ZCCHC7: variants seen among roughly 807,000 people sequenced by gnomAD.
ZCCHC7 encodes zinc finger CCHC-type containing 7.
A neutral mutation model predicts 52.0 loss-of-function variants in ZCCHC7; 35 were observed. The ratio of observed to expected loss-of-function variants is 0.67; its 90% confidence interval spans 0.51 to 0.89. ZCCHC7 has a LOEUF of 0.89. Ranked by LOEUF, ZCCHC7 falls within the 40% of genes least tolerant of loss-of-function variation. ZCCHC7 has a pLI of 0.00. For missense variants in ZCCHC7, 574 were observed against 649.1 expected (o/e 0.88, Z 1.26); for synonymous variants, 217 against 221.5 (o/e 0.98, Z 0.18).
At chr9:37,324,353 A>G (rs1397811277) in intron 5 of ZCCHC7, among the ~76,000 whole-genome samples, 1 of 152,246 alleles carries the variant, frequency 6.6e-6, no homozygotes, top group African/African-American at 2.4e-5. Context: ...ATTTGCCGCT[A>G]GCAGTGGCGG....
At chr9:37,243,963 G>C (rs911363327) in intron 2 of ZCCHC7, among the ~76,000 whole-genome samples, 3 of 151,728 alleles carry the variant, frequency 2.0e-5, no homozygotes, top group African/African-American at 7.3e-5. Flanking sequence ...TGTCTTCTGT[G>C]TCTCCAAACT....
chr9:37,352,470 G>A (rs1821432848), intron 7 of ZCCHC7, among the ~76,000 whole-genome samples: 1 of 145,132 alleles, frequency 6.9e-6, no homozygotes, highest in African/African-American at 2.6e-5. Flanking sequence ...TTAGTTGAGT[G>A]TATCAAGACC....
intron 1 of ZCCHC7, among the ~76,000 whole-genome samples, chr9:37,121,176 T>C (rs1012345317): frequency 1.3e-5 from 2 of 152,204 alleles, no homozygotes; most frequent in Non-Finnish European, 2.9e-5. Context: ...GAGCGGACAG[T>C]TGCCTTCAAC....
chr9:37,166,691 A>G (rs186157761), intron 2 of ZCCHC7, among the ~76,000 whole-genome samples: 21 of 152,186 alleles, frequency 1.4e-4, no homozygotes, highest in African/African-American at 3.6e-4. Context: ...AGTGCTATCA[A>G]TTTCCCACTA....
At chr9:37,128,935 T>G (rs1842652887) in intron 2 of ZCCHC7, among the ~76,000 whole-genome samples, 1 of 152,192 alleles carries the variant, frequency 6.6e-6, no homozygotes, top group South Asian at 2.1e-4. Context: ...TAAATTACCT[T>G]TTCCTGAGAT....
intron 3 of ZCCHC7, 65 bp from the exon 4 acceptor site, chr9:37,304,123 G>A: frequency 6.7e-7 from 1 of 1,501,148 alleles, no homozygotes; most frequent in Non-Finnish European, 9.1e-7. Flanking sequence ...TTTAACAAGA[G>A]TAGTAGATGG....
At chr9:37,127,511 A>G (rs556332996) in intron 2 of ZCCHC7, among the ~76,000 whole-genome samples, 1 of 152,322 alleles carries the variant, frequency 6.6e-6, no homozygotes, top group South Asian at 2.1e-4. Flanking sequence ...AAATTTTGAT[A>G]GCTACATCAT....
chr9:37,291,684 G>T (rs1381762759), intron 2 of ZCCHC7, among the ~76,000 whole-genome samples: 1 of 151,736 alleles, frequency 6.6e-6, no homozygotes, highest in African/African-American at 2.4e-5. Context: ...TTTTGTTTTT[G>T]TTTTTTTGAG....
chr9:37,232,224 G>A (rs10973260), intron 2 of ZCCHC7, among the ~76,000 whole-genome samples: 20,646 of 152,148 alleles, frequency 0.14, 1,722 homozygotes, highest in Non-Finnish European at 0.17. Context: ...GAACAGTATC[G>A]ATGCGGAAAC....
At chr9:37,274,501 G>A (rs193111815) in intron 2 of ZCCHC7, among the ~76,000 whole-genome samples, 6 of 151,354 alleles carry the variant, frequency 4.0e-5, no homozygotes, top group South Asian at 4.2e-4. Flanking sequence ...CACCATGCCC[G>A]GCTAATTTTT....
chr9:37,289,154 T>G (rs1440192292), intron 2 of ZCCHC7, among the ~76,000 whole-genome samples: 2 of 151,724 alleles, frequency 1.3e-5, no homozygotes, highest in Non-Finnish European at 2.9e-5. Flanking sequence ...CTTTTACTTT[T>G]TTTTTTTTTT....
At chr9:37,173,525 C>T (rs1821853985) in intron 2 of ZCCHC7, among the ~76,000 whole-genome samples, 1 of 152,172 alleles carries the variant, frequency 6.6e-6, no homozygotes, top group Admixed American at 6.5e-5. Flanking sequence ...AAATTTAATA[C>T]CTATAAAACT....
intron 2 of ZCCHC7, among the ~76,000 whole-genome samples, chr9:37,166,172 G>A (rs900375879): frequency 5.3e-5 from 8 of 152,024 alleles, no homozygotes; most frequent in Middle Eastern, 3.4e-3. Context: ...TGAGGTGGGC[G>A]GATCACGAGG....
intron 2 of ZCCHC7, among the ~76,000 whole-genome samples, chr9:37,282,932 T>C (rs1588608823): frequency 9.2e-6 from 1 of 108,906 alleles, no homozygotes; most frequent in Admixed American, 1.1e-4. Context: ...AAGAGTAGCC[T>C]CCAAATTAGT....
intron 7 of ZCCHC7, among the ~76,000 whole-genome samples, chr9:37,353,247 A>G (rs1215588761): frequency 1.3e-5 from 2 of 152,200 alleles, no homozygotes; most frequent in Non-Finnish European, 2.9e-5. Flanking sequence ...AAATCAACTG[A>G]ACCAATACCA....
At chr9:37,237,179 C>A (rs1335424159) in intron 2 of ZCCHC7, among the ~76,000 whole-genome samples, 2 of 152,164 alleles carry the variant, frequency 1.3e-5, no homozygotes, top group Non-Finnish European at 2.9e-5. Flanking sequence ...CCCAAGATAC[C>A]CTTTTGCCCT....
rs1263437633 is a variant in ZCCHC7, at chr9:37,207,641, C to CA, written c.610+80709dup. On this transcript the variant is annotated intron_variant, in intron 2 of 8. Transcript: ENST00000336755. ...ACAGTTTATGATGCTCTGTTTAAAA[C>CA]AAAAAAAAAATCGATTTTCTGTTTG... 3.9e-3 allele frequency among the ~76,000 whole-genome samples: 565 copies of CA among 146,306 alleles called. 3 individuals carry two copies. The highest frequency in any genetic ancestry group is 7.1e-3 in the Admixed American group (105 of 14,686).
chr9:37,223,566 C>T (rs1824936617), intron 2 of ZCCHC7, among the ~76,000 whole-genome samples: 1 of 152,056 alleles, frequency 6.6e-6, no homozygotes, highest in African/African-American at 2.4e-5. Context: ...AAAATAGTAA[C>T]AATGGTTGCA....
chr9:37,137,094 A>C (rs1246751361), intron 2 of ZCCHC7, among the ~76,000 whole-genome samples: 1 of 152,230 alleles, frequency 6.6e-6, no homozygotes, highest in African/African-American at 2.4e-5. Context: ...CCACTGTACC[A>C]TTAAGGTATT....
Sources: allele counts gnomAD v4.1 joint callset (sites outside exome capture counted in the v4.1 genomes callset), GRCh38; gene constraint gnomAD v4.1.1; transcripts MANE v1.5; gene names NCBI Gene and HGNC (gene_info 2026-07-23, HGNC 2026-07-21).